Variants in GRIA3 observed in about 807,000 individuals in gnomAD.
GRIA3 encodes glutamate receptor 3.
GRIA3 carries 3 observed loss-of-function variants against 63.0 expected under a neutral mutation model. That is an observed-to-expected ratio of 0.05 (90% CI 0.02 to 0.12). The LOEUF (loss-of-function observed/expected upper bound fraction) is 0.12. Among genes scored for constraint, GRIA3 ranks in the 10% least tolerant of loss-of-function variants. The pLI, the probability that GRIA3 is intolerant of heterozygous loss-of-function variation, is 1.00. For synonymous variants in GRIA3, 274 were observed against 257.9 expected, an observed-to-expected ratio of 1.06 and a Z score of -0.60; for missense variants, 347 against 700.9, an observed-to-expected ratio of 0.50 and a Z score of 5.70.
intron 5 of GRIA3, among the ~76,000 whole-genome samples, chrX:123,393,404 TA>T (rs1187573131): frequency 1.2e-4 from 14 of 112,387 alleles, no homozygotes; most frequent in Non-Finnish European, 2.4e-4. Flanking sequence ...TACACTTCAA[TA>T]AAACCTTTTT....
chrX:123,452,327 C>T (rs1403661849), intron 12 of GRIA3, among the ~76,000 whole-genome samples: 1 of 109,402 alleles, frequency 9.1e-6, no homozygotes, highest in Non-Finnish European at 1.9e-5. Flanking sequence ...CAGATTAGTT[C>T]CAGCTCACCT....
At chrX:123,232,607 A>G (rs909405658) in intron 2 of GRIA3, among the ~76,000 whole-genome samples, 3 of 111,520 alleles carry the variant, frequency 2.7e-5, no homozygotes, top group Non-Finnish European at 5.7e-5. Context: ...ATTTTATGTT[A>G]AATATATTTT....
chrX:123,286,763 C>T, intron 3 of GRIA3, among the ~76,000 whole-genome samples: 1 of 111,581 alleles, frequency 9.0e-6, no homozygotes, highest in Non-Finnish European at 1.9e-5. Context: ...GAAATTGGGG[C>T]AATAATTAAT....
chrX:123,205,780 G>A (rs912723464), intron 2 of GRIA3, among the ~76,000 whole-genome samples: 7 of 111,989 alleles, frequency 6.3e-5, no homozygotes, highest in African/African-American at 2.3e-4. Context: ...GGTATACTGT[G>A]GGGAAGGGGT....
At chrX:123,290,306 T>A (rs1055058541) in intron 3 of GRIA3, among the ~76,000 whole-genome samples, 1 of 112,129 alleles carries the variant, frequency 8.9e-6, no homozygotes, top group Non-Finnish European at 1.9e-5. Context: ...TTTTGCTTTT[T>A]GGTTTATTGT....
At chrX:123,385,233 T>C (rs1213674622) in intron 5 of GRIA3, among the ~76,000 whole-genome samples, 1 of 112,198 alleles carries the variant, frequency 8.9e-6, no homozygotes, top group Non-Finnish European at 1.9e-5. Flanking sequence ...CCACTTCTCC[T>C]AGCACCACTT....
chrX:123,404,719 T>C lies in GRIA3; in HGVS notation c.1305T>C (p.Tyr435=). ...IVVTTILESP[Y]VMYKKNHEQL... Reference sequence around the variant, plus strand: ...TTCTGGTCCCAAAGGAATCACCATATGTAATGTACAAGAAGAACCATGAGC... The same window carrying C: ...TTCTGGTCCCAAAGGAATCACCATACGTAATGTACAAGAAGAACCATGAGC... The change falls in exon 10 of 16, where the codon TAT becomes TAC. Residue 435 remains tyrosine, a synonymous_variant. Coordinates refer to ENST00000620443, the MANE Select transcript of GRIA3 (RefSeq NM_007325.5). 1.7e-6 allele frequency: 2 copies of C among 1,193,263 alleles called. No individual in the cohort carries two copies. The highest frequency in any genetic ancestry group is 3.0e-5 in the East Asian group (1 of 33,750).
At chrX:123,474,231 T>A (rs2078103417) in intron 13 of GRIA3, among the ~76,000 whole-genome samples, 1 of 112,011 alleles carries the variant, frequency 8.9e-6, no homozygotes, top group South Asian at 3.8e-4. Context: ...CATATCACTC[T>A]CTTCACCATT....
At chrX:123,263,665 T>C (rs982657431) in intron 3 of GRIA3, among the ~76,000 whole-genome samples, 3 of 112,188 alleles carry the variant, frequency 2.7e-5, no homozygotes, top group African/African-American at 9.7e-5. Flanking sequence ...TTGTTAACGA[T>C]TTACATCCTC....
intron 3 of GRIA3, among the ~76,000 whole-genome samples, chrX:123,316,702 T>A (rs187991472): frequency 8.9e-6 from 1 of 112,282 alleles, no homozygotes; most frequent in African/African-American, 3.2e-5. Flanking sequence ...TTAAAACTCA[T>A]GTTTGAAAAT....
chrX:123,433,208 C>T (rs1382731326), intron 12 of GRIA3, among the ~76,000 whole-genome samples: 1 of 111,726 alleles, frequency 9.0e-6, no homozygotes, highest in Admixed American at 9.5e-5. Flanking sequence ...GGAAATAGTA[C>T]TGTTTTAATT....
chrX:123,397,333 A>G (rs1193131238), intron 6 of GRIA3, among the ~76,000 whole-genome samples: 1 of 112,218 alleles, frequency 8.9e-6, no homozygotes, highest in Non-Finnish European at 1.9e-5. Context: ...AGGAAATAAA[A>G]TTGTCTACAG....
intron 2 of GRIA3, chrX:123,204,279 C>T (rs1026258209): frequency 3.5e-6 from 2 of 570,698 alleles, no homozygotes; most frequent in Admixed American, 5.3e-5. Flanking sequence ...CCTCATGGAA[C>T]CAGTGCAGCC....
At chrX:123,193,319 C>T (rs557564030) in intron 2 of GRIA3, among the ~76,000 whole-genome samples, 19 of 111,296 alleles carry the variant, frequency 1.7e-4, no homozygotes, top group Non-Finnish European at 3.4e-4. Context: ...CCCAAGAGAG[C>T]GAAGGTTGGC....
intron 3 of GRIA3, among the ~76,000 whole-genome samples, chrX:123,275,153 A>C (rs1370486537): frequency 9.0e-6 from 1 of 111,639 alleles, no homozygotes; most frequent in Non-Finnish European, 1.9e-5. Context: ...ATAATATAAC[A>C]ATATTATAAA....
intron 3 of GRIA3, among the ~76,000 whole-genome samples, chrX:123,317,148 A>G (rs766332343): frequency 9.0e-6 from 1 of 111,461 alleles, no homozygotes; most frequent in Non-Finnish European, 1.9e-5. Flanking sequence ...CTTATTCACT[A>G]TCATGAGAAT....
intron 2 of GRIA3, among the ~76,000 whole-genome samples, chrX:123,233,582 A>T (rs962244666): frequency 1.8e-5 from 2 of 111,744 alleles, no homozygotes; most frequent in Non-Finnish European, 3.8e-5. Flanking sequence ...AATGACTTAC[A>T]GCCCCTTGTC....
intron 2 of GRIA3, among the ~76,000 whole-genome samples, chrX:123,252,674 C>A (rs2044397740): frequency 9.0e-6 from 1 of 111,376 alleles, no homozygotes; most frequent in African/African-American, 3.3e-5. Flanking sequence ...CCCAATTACA[C>A]ATGGGCAGGA....
At chrX:123,324,520 T>C (rs1219255155) in intron 3 of GRIA3, among the ~76,000 whole-genome samples, 3 of 111,903 alleles carry the variant, frequency 2.7e-5, no homozygotes. Context: ...TGGCCTACCA[T>C]GTCCCCTCAA....
Sources: gnomAD v4.1 joint callset for allele counts (sites outside exome capture counted in the v4.1 genomes callset) on GRCh38, gnomAD v4.1.1 for gene constraint, MANE v1.5 for transcripts, NCBI Gene and HGNC (gene_info 2026-07-23, HGNC 2026-07-21) for gene names.